The following ADGRG1 variants were observed in gnomAD, a reference collection of about 807,000 sequenced individuals.
ADGRG1 encodes the protein adhesion G protein-coupled receptor G1, also known as 7-transmembrane protein with no EGF-like N-terminal domains-1.
Under a neutral mutation model 73.5 loss-of-function variants are expected in ADGRG1, and 53 were observed. The ratio of observed to expected loss-of-function variants is 0.72; its 90% CI spans 0.58 to 0.91. The LOEUF (loss-of-function observed/expected upper bound fraction) is 0.91. ADGRG1 is among the 40% of genes least tolerant of loss of function. The pLI is 0.00. For synonymous variants in ADGRG1, 394 were observed against 374.4 expected (o/e 1.05, Z -0.60); for missense variants, 795 against 871.8 (o/e 0.91, Z 1.11).
chr16:57,645,122 C>A (rs111993558), intron 1 of ADGRG1: 15 of 969,986 alleles, frequency 1.5e-5, no homozygotes, highest in South Asian at 4.8e-5. Flanking sequence ...TGCCGCCCGA[C>A]CCCCTGGGCC....
intron 1 of ADGRG1, chr16:57,648,508 C>T: frequency 1.0e-6 from 1 of 968,932 alleles, no homozygotes; most frequent in African/African-American, 1.8e-5. Flanking sequence ...ACGCAGGGAA[C>T]TGGCTCTCAG....
At chr16:57,644,643 T>C (rs12596235) in intron 1 of ADGRG1, among the ~76,000 whole-genome samples, 2 of 142,288 alleles carry the variant, frequency 1.4e-5, no homozygotes, top group East Asian at 2.3e-4. Context: ...CACTCATGCA[T>C]GGGCACGCAC....
At chr16:57,623,115 C>T, upstream of ADGRG1, 1 of 972,830 alleles carries the variant, frequency 1.0e-6, no homozygotes, top group Non-Finnish European at 1.2e-6. Context: ...GAGTCTCAGT[C>T]TTCTCCTCTC....
chr16:57,622,404 C>T (rs1038628278), intron 2 of ADGRG1, among the ~76,000 whole-genome samples: 2 of 152,134 alleles, frequency 1.3e-5, no homozygotes, highest in Non-Finnish European at 2.9e-5. Flanking sequence ...CTGCTTCTAG[C>T]TGGGCGCCAG....
chr16:57,655,653 A>C, intron 6 of ADGRG1, 123 bp downstream of exon 6: 1 of 1,585,992 alleles, frequency 6.3e-7, no homozygotes, highest in South Asian at 1.1e-5. Flanking sequence ...TAAAGTTACA[A>C]ATTGCACTGC....
intron 1 of ADGRG1, chr16:57,629,112 A>G (rs1278337655): frequency 2.2e-6 from 2 of 918,472 alleles, no homozygotes; most frequent in African/African-American, 3.6e-5. Flanking sequence ...GGATGTGTGC[A>G]TCCGTGCACG....
chr16:57,651,872 A>T, intron 3 of ADGRG1: 1 of 1,428,864 alleles, frequency 7.0e-7, no homozygotes, highest in Non-Finnish European at 9.1e-7. Context: ...AGGGGTGAGG[A>T]TGGAAGGGCA....
rs186538700 is a variant in ADGRG1 at position 57,630,971 on chromosome 16, G to C, written c.-36+2169G>C. On this transcript the variant is annotated intron_variant, in intron 1 of 13. Coordinates refer to ENST00000562631, the MANE Select transcript of ADGRG1 (RefSeq NM_201525.4). The stretch of plus-strand genomic sequence containing the variant: ...GCCAGCAGGTCTCAATCTGCTCTGT[G>C]GGGGGGAAGAGAGGCAGGAGGACTC... The C allele has an allele frequency of 1.6e-5, 16 of 985,424 alleles. No individual in the cohort carries two copies. In the South Asian group the frequency reaches 3.3e-4, roughly 20 times the overall value. 61.0% of individuals were successfully genotyped at this position (985,424 alleles called of 1,614,324 possible).
At position 57,661,694 on chromosome 16, in the gene ADGRG1, C is replaced by T. The variant is rs1441045632; in HGVS notation, c.1665-3C>T. ...CGCTGAGCCCTCCTGCCTTTGCCCGCAGGTGCTGGATCCGGGACTCCCTGG... is the reference window on the plus strand; with the variant it reads ...CGCTGAGCCCTCCTGCCTTTGCCCGTAGGTGCTGGATCCGGGACTCCCTGG... On this transcript the variant is annotated splice_region_variant and splice_polypyrimidine_tract_variant and intron_variant, in intron 12 of 13. Transcript: ENST00000562631. 5 of 1,612,864 alleles carry T rather than the reference C, an allele frequency of 3.1e-6. No individual in the cohort carries two copies. The African/African-American group carries it at 5.3e-5, about 17-fold the overall frequency.
At chr16:57,653,373 AGGCATCAGAGATCTGGACCTGGGCAGGGT>A in intron 4 of ADGRG1, 38 bp downstream of exon 4, 1 of 1,601,894 alleles carries the variant, frequency 6.2e-7, no homozygotes, top group Non-Finnish European at 8.5e-7. Flanking sequence ...GGAGGCAGGA[AGGCATCAGAGATCTGGACCTGGGCAGGGT>A]GGGACCTGGA....
intron 3 of ADGRG1, chr16:57,652,107 A>G (rs2044247681): frequency 1.9e-6 from 2 of 1,043,152 alleles, no homozygotes; most frequent in Admixed American, 9.9e-5. Context: ...CAGGATTTGA[A>G]CCCAGCAGCT....
intron 11 of ADGRG1, 64 bp downstream of exon 11, chr16:57,659,745 G>A (rs1199171687): frequency 7.6e-6 from 12 of 1,572,536 alleles, no homozygotes; most frequent in South Asian, 1.1e-5. Flanking sequence ...CAAAACCCAG[G>A]CACCTGGTTC....
At chr16:57,624,226 G>T (rs557143864), upstream of ADGRG1, 2 of 949,682 alleles carry the variant, frequency 2.1e-6, no homozygotes, top group Admixed American at 6.1e-5. Context: ...GAGGCTGGGC[G>T]CAGTGGCTCA....
chr16:57,632,400 C>T lies in ADGRG1; in HGVS notation c.-36+3598C>T, dbSNP rs1204907447. The T allele has an allele frequency of 6.1e-6, 5 of 814,706 alleles. No homozygotes were observed. In the African/African-American group the frequency reaches 9.3e-5, roughly 15 times the overall value. The allele number at this position is 814,706 out of a possible 1,614,324, so 50.5% of individuals were successfully genotyped here. A position where few individuals can be genotyped will look rare whatever the true frequency, so the allele number is the denominator to read the frequency against. ...TCATCTGTAAACTGTGGATCACAAT[C>T]ACATCTGCTTCAGAGGCTATTATGA... On this transcript the variant is annotated intron_variant, in intron 1 of 13. Transcript: ENST00000562631.
At chr16:57,647,130 G>A (rs974854401) in intron 1 of ADGRG1, 34 of 985,432 alleles carry the variant, frequency 3.5e-5, no homozygotes, top group Middle Eastern at 5.2e-4. Flanking sequence ...GCATAGGCAG[G>A]GATGAAGGAG....
intron 1 of ADGRG1, chr16:57,646,027 G>C (rs1046900200): frequency 6.6e-6 from 1 of 152,292 alleles, no homozygotes; most frequent in African/African-American, 2.4e-5. Flanking sequence ...GCTCGGGGGC[G>C]GGCAGTGGTC....
chr16:57,648,704 G>A (rs2043273105), intron 1 of ADGRG1: 1 of 984,820 alleles, frequency 1.0e-6, no homozygotes, highest in Non-Finnish European at 1.2e-6. Flanking sequence ...TGTGGCCGAT[G>A]ACTGCCTCTG....
chr16:57,647,342 C>T (rs1315587355), intron 1 of ADGRG1: 3 of 982,384 alleles, frequency 3.1e-6, no homozygotes, highest in Non-Finnish European at 2.4e-6. Context: ...GGTGGGTGAG[C>T]TGGTTGCTGG....
intron 6 of ADGRG1, 160 bp from the exon 7 acceptor site, chr16:57,655,716 G>A (rs2045547060): frequency 3.0e-6 from 3 of 985,262 alleles, no homozygotes; most frequent in African/African-American, 3.5e-5. Flanking sequence ...TTACTATAGT[G>A]TAAATGACTA....
Sources: allele counts gnomAD v4.1 joint callset (sites outside exome capture counted in the v4.1 genomes callset), GRCh38; gene constraint gnomAD v4.1.1; transcripts MANE v1.5; gene names NCBI Gene and HGNC (gene_info 2026-07-23, HGNC 2026-07-21).